The following RAPGEF1 variants were observed in gnomAD, a reference collection of about 807,000 sequenced individuals.
RAPGEF1 encodes CRK SH3-binding GNRP.
A neutral mutation model predicts 143.3 loss-of-function variants in RAPGEF1; 33 were observed. That is an observed-to-expected ratio of 0.23 (90% CI 0.17 to 0.31). RAPGEF1 has a LOEUF of 0.31. Among genes scored for constraint, RAPGEF1 ranks in the 10% least tolerant of loss-of-function variants. The pLI is 1.00. For missense variants in RAPGEF1, 1,199 were observed against 1,645.4 expected (o/e 0.73, Z 4.69); for synonymous variants, 629 against 676.5 (o/e 0.93, Z 1.09).
chr9:131,586,257 A>AACACACAC (rs55722149), intron 22 of RAPGEF1, among the ~76,000 whole-genome samples: 4,299 of 91,332 alleles, frequency 0.047, 301 homozygotes, highest in African/African-American at 0.097. Flanking sequence ...CTCTGTCTCA[A>AACACACAC]ACACACACAC....
intron 1 of RAPGEF1, among the ~76,000 whole-genome samples, chr9:131,693,501 A>G (rs912147420): frequency 6.6e-6 from 1 of 152,150 alleles, no homozygotes; most frequent in Non-Finnish European, 1.5e-5. Flanking sequence ...AGCTGGCATG[A>G]TAAGAAAGTC....
chr9:131,616,634 G>A (rs1040609930), intron 12 of RAPGEF1, among the ~76,000 whole-genome samples: 2 of 152,194 alleles, frequency 1.3e-5, no homozygotes, highest in Admixed American at 6.5e-5. Flanking sequence ...CGTCCACTGT[G>A]CCAAGAACCA....
intron 3 of RAPGEF1, among the ~76,000 whole-genome samples, chr9:131,647,423 G>A (rs1490131874): frequency 1.3e-5 from 2 of 152,226 alleles, no homozygotes; most frequent in African/African-American, 4.8e-5. Flanking sequence ...CCCTCGGGAA[G>A]TGGCAGCGAA....
At chr9:131,642,438 G>A (rs985570408) in intron 4 of RAPGEF1, among the ~76,000 whole-genome samples, 11 of 152,342 alleles carry the variant, frequency 7.2e-5, no homozygotes, top group African/African-American at 2.4e-4. Flanking sequence ...ATCTTTGCCC[G>A]CCAGCAGGCT....
chr9:131,593,860 C>A (rs1456151378), intron 17 of RAPGEF1, among the ~76,000 whole-genome samples: 5 of 152,238 alleles, frequency 3.3e-5, no homozygotes, highest in Non-Finnish European at 7.3e-5. Context: ...CCAGCATAGA[C>A]CCATACCTGC....
At chr9:131,579,760 C>G in intron 26 of RAPGEF1, 113 bp from the exon 27 acceptor site, 1 of 1,182,196 alleles carries the variant, frequency 8.5e-7, no homozygotes, top group South Asian at 1.5e-5. Flanking sequence ...TCGCAGCAAA[C>G]GGATGCTGCA....
chr9:131,737,917 G>A (rs1192403091), intron 1 of RAPGEF1, among the ~76,000 whole-genome samples: 2 of 150,854 alleles, frequency 1.3e-5, no homozygotes, highest in South Asian at 2.1e-4. Flanking sequence ...GCAGTGAGCC[G>A]AGATCGCACC....
At chr9:131,630,779 G>T (rs1964626830) in intron 5 of RAPGEF1, among the ~76,000 whole-genome samples, 1 of 152,156 alleles carries the variant, frequency 6.6e-6, no homozygotes, top group Non-Finnish European at 1.5e-5. Flanking sequence ...GCTGGTGGGG[G>T]TGGGGTGAGG....
chr9:131,739,724 A>G, intron 1 of RAPGEF1, 46 bp downstream of exon 1: 3 of 1,060,350 alleles, frequency 2.8e-6, no homozygotes, highest in South Asian at 3.1e-5. Flanking sequence ...GCGGAGCCCC[A>G]GGGCCGGGCC....
chr9:131,709,134 G>A (rs1371841912), intron 1 of RAPGEF1, among the ~76,000 whole-genome samples: 1 of 152,166 alleles, frequency 6.6e-6, no homozygotes, highest in Non-Finnish European at 1.5e-5. Flanking sequence ...GGGTCATGAG[G>A]TCAGGAGTTC....
intron 14 of RAPGEF1, among the ~76,000 whole-genome samples, chr9:131,603,630 A>G (rs7034356): frequency 0.86 from 130,252 of 152,168 alleles, 55,984 homozygotes; most frequent in African/African-American, 0.93. Flanking sequence ...ACCAGAAGAT[A>G]AGGGAGGAAG....
intron 25 of RAPGEF1, among the ~76,000 whole-genome samples, chr9:131,582,372 G>A (rs4740287): frequency 0.17 from 26,238 of 151,550 alleles, 3,409 homozygotes; most frequent in East Asian, 0.47. Flanking sequence ...TCACCTGAGC[G>A]CTTCTTTTCT....
At chr9:131,590,295 G>A (rs924847390) in intron 18 of RAPGEF1, among the ~76,000 whole-genome samples, 1 of 106,414 alleles carries the variant, frequency 9.4e-6, no homozygotes, top group African/African-American at 4.6e-5. Flanking sequence ...CAGACACGTA[G>A]AGAGTGCCTT....
intron 12 of RAPGEF1, among the ~76,000 whole-genome samples, chr9:131,606,256 G>A (rs1957091617): frequency 6.6e-6 from 1 of 152,156 alleles, no homozygotes; most frequent in African/African-American, 2.4e-5. Context: ...AGGGACAGAG[G>A]TGTTCCAGGA....
intron 12 of RAPGEF1, among the ~76,000 whole-genome samples, chr9:131,617,776 G>A (rs886581102): frequency 2.0e-5 from 3 of 152,182 alleles, no homozygotes; most frequent in East Asian, 1.9e-4. Flanking sequence ...AAGGAAAGAC[G>A]CTGAAGCATC....
chr9:131,580,705 A>T (rs1478386795), intron 25 of RAPGEF1, among the ~76,000 whole-genome samples: 1 of 141,318 alleles, frequency 7.1e-6, no homozygotes. Context: ...AATGAGCAGT[A>T]AAAAAAAAAA....
intron 3 of RAPGEF1, among the ~76,000 whole-genome samples, chr9:131,648,666 C>T (rs1159860265): frequency 6.6e-6 from 1 of 152,204 alleles, no homozygotes; most frequent in African/African-American, 2.4e-5. Flanking sequence ...CTTCTTCAAT[C>T]TGGAATTTAG....
chr9:131,674,112 A>G (rs1831875847), intron 1 of RAPGEF1, among the ~76,000 whole-genome samples: 1 of 152,206 alleles, frequency 6.6e-6, no homozygotes, highest in Admixed American at 6.5e-5. Context: ...TGCTTTACAA[A>G]TTGAACCACC....
intron 1 of RAPGEF1, among the ~76,000 whole-genome samples, chr9:131,729,607 C>A (rs529201035): frequency 6.6e-6 from 1 of 152,184 alleles, no homozygotes. Context: ...AGTGGTGGTG[C>A]CGGCAAGTCA....
Sources: allele counts gnomAD v4.1 joint callset (sites outside exome capture counted in the v4.1 genomes callset), GRCh38; gene constraint gnomAD v4.1.1; transcripts MANE v1.5; gene names NCBI Gene and HGNC (gene_info 2026-07-23, HGNC 2026-07-21).